Variants in AGK observed in about 807,000 individuals in gnomAD.
The protein encoded by AGK is acylglycerol kinase, mitochondrial.
In AGK, 52 loss-of-function variants were observed where a neutral mutation model predicts 66.4. The ratio of observed to expected loss-of-function variants is 0.78; its 90% CI spans 0.63 to 0.99. AGK has a LOEUF of 0.99. Among genes scored for constraint, AGK ranks in the 50% least tolerant of loss-of-function variants. The pLI, the probability that AGK is intolerant of heterozygous loss-of-function variation, is 0.00. For synonymous variants in AGK, 182 were observed against 181.1 expected (o/e 1.00, Z -0.04); for missense variants, 451 against 506.6 (o/e 0.89, Z 1.05).
At chr7:141,649,146 G>T in intron 13 of AGK, 117 bp from the exon 14 acceptor site, 1 of 484,540 alleles carries the variant, frequency 2.1e-6, no homozygotes, top group South Asian at 3.9e-5. Flanking sequence ...ATCACTACAA[G>T]TAGAGTCCCC....
At chr7:141,557,497 A>G (rs1395507935) in intron 2 of AGK, among the ~76,000 whole-genome samples, 2 of 152,328 alleles carry the variant, frequency 1.3e-5, no homozygotes, top group Non-Finnish European at 1.5e-5. Context: ...ATTCCCACCC[A>G]CTGAGGATTA....
intron 11 of AGK, among the ~76,000 whole-genome samples, chr7:141,639,550 GA>G (rs1229611811): frequency 2.0e-5 from 3 of 152,246 alleles, no homozygotes; most frequent in African/African-American, 7.2e-5. Flanking sequence ...TACAGAAGAG[GA>G]GTAAAGGGTA....
intron 2 of AGK, among the ~76,000 whole-genome samples, chr7:141,591,659 TAAAA>T (rs148157463): frequency 6.6e-6 from 1 of 152,200 alleles, no homozygotes; most frequent in African/African-American, 2.4e-5. Context: ...TTCAATGTTA[TAAAA>T]AAAGTCTAGA....
chr7:141,618,765 G>A (rs1315805089), intron 8 of AGK, among the ~76,000 whole-genome samples: 1 of 152,070 alleles, frequency 6.6e-6, no homozygotes, highest in Non-Finnish European at 1.5e-5. Flanking sequence ...TAGATTAGGA[G>A]GTGCCCTGTT....
chr7:141,569,001 C>T (rs1386982165), intron 2 of AGK, among the ~76,000 whole-genome samples: 1 of 152,192 alleles, frequency 6.6e-6, no homozygotes, highest in Non-Finnish European at 1.5e-5. Flanking sequence ...AAGTGTGCTA[C>T]TGTAGCAATG....
intron 9 of AGK, among the ~76,000 whole-genome samples, chr7:141,628,743 C>A (rs1300337297): frequency 6.6e-6 from 1 of 152,108 alleles, no homozygotes; most frequent in Non-Finnish European, 1.5e-5. Context: ...GGAGATGTAA[C>A]TAGAATTTAG....
At chr7:141,617,524 T>C (rs1796733995) in intron 8 of AGK, among the ~76,000 whole-genome samples, 1 of 152,238 alleles carries the variant, frequency 6.6e-6, no homozygotes, top group Non-Finnish European at 1.5e-5. Flanking sequence ...GCTTTGCTTT[T>C]TGCACTGCTG....
intron 13 of AGK, among the ~76,000 whole-genome samples, chr7:141,647,996 A>C (rs1236820576): frequency 1.3e-5 from 2 of 152,146 alleles, no homozygotes; most frequent in Non-Finnish European, 2.9e-5. Flanking sequence ...TTTAGTTGAC[A>C]AACAAAAACC....
At chr7:141,619,986 A>G (rs116651110) in intron 8 of AGK, among the ~76,000 whole-genome samples, 234 of 152,348 alleles carry the variant, frequency 1.5e-3, no homozygotes, top group African/African-American at 5.4e-3. Context: ...GTACATCCAT[A>G]CAATGGAATA....
chr7:141,564,124 C>A (rs1795412133), intron 2 of AGK, among the ~76,000 whole-genome samples: 1 of 152,238 alleles, frequency 6.6e-6, no homozygotes, highest in Non-Finnish European at 1.5e-5. Context: ...GCACACCCTG[C>A]TGATTAAACC....
At chr7:141,569,113 A>G (rs1309594991) in intron 2 of AGK, among the ~76,000 whole-genome samples, 2 of 152,224 alleles carry the variant, frequency 1.3e-5, no homozygotes, top group African/African-American at 2.4e-5. Flanking sequence ...TTTTCTAAGC[A>G]TTGGTGCAAG....
At position 141,555,361 on chromosome 7, in the gene AGK, G is replaced by A. The variant is rs1466887289; in HGVS notation, c.-14-92G>A. Reference sequence around the variant, plus strand: ...GAGTGGGAAAAAAAGGAGTGAGAGAGGATAAAAGAATGGAAGACAGAGTAA... The same window carrying A: ...GAGTGGGAAAAAAAGGAGTGAGAGAAGATAAAAGAATGGAAGACAGAGTAA... On this transcript the variant is annotated intron_variant, in intron 1 of 15. Coordinates refer to ENST00000649286, the MANE Select transcript of AGK (RefSeq NM_018238.4). This position sits in a 1 kb window ranked among gnomAD's most constrained non-coding sequence, Gnocchi z 4.2. 1.2e-6 allele frequency: 1 copy of A among 810,544 alleles called. No homozygotes were observed. The highest frequency in any genetic ancestry group is 1.9e-6 in the Non-Finnish European group (1 of 527,536). The allele number at this position is 810,544 out of a possible 1,614,324, so 50.2% of individuals were successfully genotyped here. A position where few individuals can be genotyped will look rare whatever the true frequency, so the allele number is the denominator to read the frequency against.
Position 141,652,864 on chromosome 7 carries a change from G to C in AGK, c.1209G>C (p.Lys403Asn), listed in dbSNP as rs771750161. 19 of 1,614,078 alleles carry C rather than the reference G, an allele frequency of 1.2e-5. 1 individual carries two copies. The South Asian group carries it at 1.8e-4, about 15-fold the overall frequency. Residue 403 changes from lysine (K) to asparagine (N), a missense_variant, in exon 16 of 16, where the codon AAG (lysine) becomes AAC (asparagine). Transcript: ENST00000649286. ...MPVEVKLLPR[K>N]LQFFCDPRKR... ...TGGAGGTGAAACTGCTCCCCAGGAA[G>C]CTGCAGTTCTTCTGTGATCCTAGGA...
intron 14 of AGK, among the ~76,000 whole-genome samples, chr7:141,649,660 C>A (rs547759758): frequency 6.6e-6 from 1 of 152,214 alleles, no homozygotes; most frequent in South Asian, 2.1e-4. Context: ...GCCACTTACC[C>A]GACGTCATGA....
chr7:141,616,614 T>A (rs1330351365), intron 8 of AGK, among the ~76,000 whole-genome samples: 1 of 152,258 alleles, frequency 6.6e-6, no homozygotes, highest in East Asian at 1.9e-4. Flanking sequence ...CATACACACA[T>A]ATATATATGT....
intron 4 of AGK, chr7:141,599,425 C>A (rs1796295783): frequency 6.6e-6 from 1 of 152,008 alleles, no homozygotes; most frequent in Admixed American, 6.5e-5. Flanking sequence ...ATTAGTAACA[C>A]TTGTTTTTCA....
chr7:141,551,650 G>A (rs1795087710), intron 1 of AGK, among the ~76,000 whole-genome samples: 1 of 152,218 alleles, frequency 6.6e-6, no homozygotes, highest in African/African-American at 2.4e-5. Context: ...GGCGCGGCAG[G>A]GGAGGGCCTC....
chr7:141,654,220 G>A lies in AGK; in HGVS notation c.*1296G>A, dbSNP rs1797634479. On this transcript the variant is annotated 3_prime_UTR_variant, in exon 16 of 16. Coordinates refer to ENST00000649286, the MANE Select transcript of AGK (RefSeq NM_018238.4). ...TCGTAATTAATTATTGGTATATAAT[G>A]AAAACGGTATTAATTCTTGGATGAT... is the stretch of plus-strand genomic sequence containing the variant. 1 of 152,068 alleles carries A rather than the reference G, an allele frequency of 6.6e-6. No individual in the cohort carries two copies. The highest frequency in any genetic ancestry group is 1.5e-5 in the Non-Finnish European group (1 of 68,026). 9.4% of individuals were successfully genotyped at this position (152,068 alleles called of 1,614,324 possible).
At chr7:141,578,549 G>C (rs921106074) in intron 2 of AGK, among the ~76,000 whole-genome samples, 2 of 151,714 alleles carry the variant, frequency 1.3e-5, no homozygotes, top group Admixed American at 1.3e-4. Context: ...AAACTTTTTT[G>C]GGGGGTGGCA....
Sources: gnomAD v4.1 joint callset for allele counts (sites outside exome capture counted in the v4.1 genomes callset) on GRCh38, gnomAD v4.1.1 for gene constraint, Gnocchi (gnomAD v3.1) non-coding constraint, MANE v1.5 for transcripts, NCBI Gene and HGNC (gene_info 2026-07-23, HGNC 2026-07-21) for gene names.